DNAI7: variants seen among roughly 807,000 people sequenced by gnomAD.
DNAI7 encodes dynein axonemal intermediate chain 7, also known as cancer susceptibility 1.
DNAI7 carries 78 observed loss-of-function variants against 86.6 expected under a neutral mutation model. The ratio of observed to expected loss-of-function variants is 0.90; its 90% CI spans 0.75 to 1.09. DNAI7 has a LOEUF of 1.09. DNAI7 is among the 50% of genes least tolerant of loss of function. The probability of loss-of-function intolerance (pLI) is 0.00; values close to 1 mark genes in which losing one functional copy is unlikely to be tolerated. For missense variants in DNAI7, 753 were observed against 810.2 expected (o/e 0.93, Z 0.86); for synonymous variants, 274 against 273.0 (o/e 1.00, Z -0.04).
At chr12:25,108,267 T>A, downstream of DNAI7, 2 of 578,590 alleles carry the variant, frequency 3.5e-6, no homozygotes, top group Non-Finnish European at 5.9e-6. Context: ...TTGAATGAGC[T>A]TTTTAAGGAA....
chr12:25,131,202 T>C (rs1039384442), intron 9 of DNAI7, among the ~76,000 whole-genome samples: 1 of 151,768 alleles, frequency 6.6e-6, no homozygotes, highest in Non-Finnish European at 1.5e-5. Flanking sequence ...AACTTTTTTC[T>C]CTAAATCCAA....
At chr12:25,109,109 AAC>A (rs1949548830) in intron 15 of DNAI7, among the ~76,000 whole-genome samples, 1 of 152,222 alleles carries the variant, frequency 6.6e-6, no homozygotes, top group Non-Finnish European at 1.5e-5. Flanking sequence ...AGAGAAAGAA[AAC>A]ACAGAAGAAA....
chr12:25,191,330 C>T lies in DNAI7; in HGVS notation c.4-699G>A, dbSNP rs143267589. Among the ~76,000 whole-genome samples the T allele has an allele frequency of 3.5e-3, 528 of 151,384 alleles. 8 individuals are homozygous for T. The highest frequency in any genetic ancestry group is 0.012 in the African/African-American group (508 of 41,194). ...CTGAGGTGGGAAGATCACTTGAGCC[C>T]GGGAGGTCAAGGCTGCAGCGAGCCA... On this transcript the variant is annotated intron_variant, in intron 1 of 15. Coordinates refer to ENST00000395987, the MANE Select transcript of DNAI7 (RefSeq NM_018272.5).
chr12:25,142,227 T>C (rs1246983809), intron 9 of DNAI7, among the ~76,000 whole-genome samples: 2 of 152,178 alleles, frequency 1.3e-5, no homozygotes, highest in Non-Finnish European at 2.9e-5. Flanking sequence ...ACCATTATTG[T>C]AAGTGAAGTA....
chr12:25,167,179 A>G (rs887013393), intron 2 of DNAI7, among the ~76,000 whole-genome samples: 5 of 152,198 alleles, frequency 3.3e-5, no homozygotes, highest in Non-Finnish European at 7.3e-5. Flanking sequence ...GCTATGCTAT[A>G]GTACAAGCCA....
Position 25,144,564 on chromosome 12 carries a change from G to A in DNAI7, c.803C>T (p.Ala268Val), listed in dbSNP as rs1273944001. Residue 268 changes from alanine to valine, a missense_variant, in exon 9 of 16, where the codon GCA (alanine) becomes GTA (valine). Ala to Val is a moderately conservative substitution (Grantham distance 64, BLOSUM62 0). Transcript: ENST00000395987. ...LLHTHYDHVSALHPVSTPSKE... is the reference protein window; with the variant it reads ...LLHTHYDHVSVLHPVSTPSKE... ...TGATGGTGTTGAAACAGGGTGCAGTGCAGAAACATGATCATAGTGGGTATG... is the reference window on the plus strand; with the variant it reads ...TGATGGTGTTGAAACAGGGTGCAGTACAGAAACATGATCATAGTGGGTATG... The A allele has an allele frequency of 1.2e-6, 2 of 1,614,084 alleles. No individual in the cohort carries two copies. Among genetic ancestry groups the A allele is most frequent in the South Asian group, 2.2e-5 (2 of 91,080 alleles).
intron 3 of DNAI7, among the ~76,000 whole-genome samples, chr12:25,160,801 T>G (rs1365705430): frequency 6.6e-6 from 1 of 152,238 alleles, no homozygotes; most frequent in Non-Finnish European, 1.5e-5. Context: ...AAACAATTTT[T>G]TTTTTAAGTT....
intron 15 of DNAI7, 126 bp downstream of exon 15, chr12:25,110,001 C>T (rs537294748): frequency 1.4e-4 from 86 of 600,968 alleles, no homozygotes; most frequent in Non-Finnish European, 2.3e-4. Flanking sequence ...TTTAAAATTC[C>T]GTATTGAATG....
chr12:25,168,093 C>T (rs1194850389), intron 2 of DNAI7, among the ~76,000 whole-genome samples: 3 of 152,190 alleles, frequency 2.0e-5, no homozygotes, highest in Non-Finnish European at 4.4e-5. Context: ...CATCAGTTCC[C>T]GTTACAACCT....
Position 25,111,883 on chromosome 12 carries a change from A to G in DNAI7, c.1668T>C (p.Ile556=). 11 of 1,607,080 alleles carry G rather than the reference A, an allele frequency of 6.8e-6. No individual in the cohort carries two copies. Among genetic ancestry groups the G allele is most frequent in the Non-Finnish European group, 9.4e-6 (11 of 1,176,338 alleles). Residue 556 remains isoleucine (I), a synonymous_variant, in exon 14 of 16, where the codon ATT becomes ATC. Coordinates refer to ENST00000395987, the MANE Select transcript of DNAI7 (RefSeq NM_018272.5). ...TAGGAGTCATCCAGGTTCCTTCCAAAATAGAGATGTGTTTCTTGTCTTTTA... is the reference window on the plus strand; with the variant it reads ...TAGGAGTCATCCAGGTTCCTTCCAAGATAGAGATGTGTTTCTTGTCTTTTA... ...IKLKDKKHIS[I]LEGTWMTPIP...
downstream of DNAI7, chr12:25,108,126 T>TAAC: frequency 6.4e-7 from 1 of 1,550,692 alleles, no homozygotes; most frequent in Non-Finnish European, 8.8e-7. Flanking sequence ...CGTAAATTAG[T>TAAC]AACTTTTAGC....
At chr12:25,136,373 A>G (rs531014567) in intron 9 of DNAI7, among the ~76,000 whole-genome samples, 3 of 152,312 alleles carry the variant, frequency 2.0e-5, no homozygotes, top group African/African-American at 7.2e-5. Flanking sequence ...AGAGCCCATC[A>G]AGGGATCACC....
chr12:25,112,683 G>A (rs1040504058), intron 13 of DNAI7, among the ~76,000 whole-genome samples: 1 of 149,606 alleles, frequency 6.7e-6, no homozygotes, highest in African/African-American at 2.5e-5. Flanking sequence ...TGGGATTACA[G>A]GCGTGAGCCA....
intron 9 of DNAI7, among the ~76,000 whole-genome samples, chr12:25,129,385 C>A (rs1442487470): frequency 2.0e-5 from 3 of 152,122 alleles, no homozygotes; most frequent in Non-Finnish European, 4.4e-5. Context: ...GTGCCTACCA[C>A]ATAGAGGTAG....
rs186347572 is a variant in DNAI7, at chr12:25,164,864, A to G, written c.22-3667T>C. Among the ~76,000 whole-genome samples the G allele has an allele frequency of 2.0e-4, 30 of 149,762 alleles. 1 individual carries two copies. Among genetic ancestry groups the G allele is most frequent in the Middle Eastern group, 3.4e-3 (1 of 294 alleles). On this transcript the variant is annotated intron_variant, in intron 2 of 15. Coordinates refer to ENST00000395987, the MANE Select transcript of DNAI7 (RefSeq NM_018272.5). ...TCCTCAGCCTCCACTCCTCCACCCT[A>G]TAATCATTTTATCACCTCCCCTCCT...
In DNAI7 at chr12:25,111,852, A is replaced by G; in HGVS notation, c.1699T>C (p.Phe567Leu). Reference protein sequence around the residue: ...LEGTWMTPIPFIIALKEAGLN... With the variant: ...LEGTWMTPIPLIIALKEAGLN... The stretch of plus-strand genomic sequence containing the variant: ...CCAGCTTCTTTCAAAGCAATAATGA[A>G]AGGAATAGGAGTCATCCAGGTTCCT... Residue 567 changes from phenylalanine to leucine, a missense_variant, in exon 14 of 16, where the codon TTC (phenylalanine) becomes CTC (leucine). By Grantham distance (22) the Phe-to-Leu change is conservative. Coordinates refer to ENST00000395987, the MANE Select transcript of DNAI7 (RefSeq NM_018272.5). The G allele has an allele frequency of 6.2e-7, 1 of 1,604,110 alleles. No homozygotes were observed. Among genetic ancestry groups the G allele is most frequent in the Non-Finnish European group, 8.5e-7 (1 of 1,174,510 alleles).
At chr12:25,193,974 A>C (rs1950787101) in intron 1 of DNAI7, among the ~76,000 whole-genome samples, 1 of 152,114 alleles carries the variant, frequency 6.6e-6, no homozygotes, top group South Asian at 2.1e-4. Flanking sequence ...GGTGCGCGCC[A>C]ACACGCCCGG....
intron 2 of DNAI7, among the ~76,000 whole-genome samples, chr12:25,167,610 T>C (rs80010839): frequency 0.11 from 16,107 of 152,156 alleles, 1,319 homozygotes; most frequent in East Asian, 0.25. Context: ...TTCCAGTGCC[T>C]ACACAGCTGT....
rs199775530 is a variant in DNAI7 at position 25,117,934 on chromosome 12, T to TTTTC, written c.1396+1207_1396+1210dup. On this transcript the variant is annotated intron_variant, in intron 12 of 15. Coordinates refer to ENST00000395987, the MANE Select transcript of DNAI7 (RefSeq NM_018272.5). ...TTGCTAAACTATTTTGATATTTTCTTTTTCTTTTTTTTTTTTTTTTTGAGA... is the reference window on the plus strand; with the variant it reads ...TTGCTAAACTATTTTGATATTTTCTTTTTCTTTCTTTTTTTTTTTTTTTTTGAGA... Among the ~76,000 whole-genome samples, 151 of 73,754 alleles carry TTTTC rather than the reference T, an allele frequency of 2.0e-3. 21 individuals are homozygous for TTTTC. The highest frequency in any genetic ancestry group is 0.012 in the South Asian group (22 of 1,816). 48.4% of individuals were successfully genotyped at this position (73,754 alleles called of 152,430 possible).
Sources: allele counts gnomAD v4.1 joint callset (sites outside exome capture counted in the v4.1 genomes callset), GRCh38; gene constraint gnomAD v4.1.1; transcripts MANE v1.5; gene names NCBI Gene and HGNC (gene_info 2026-07-23, HGNC 2026-07-21).